C2orf92: variants seen among roughly 807,000 people sequenced by gnomAD.
C2orf92 encodes uncharacterized protein C2orf92.
chr2:97,701,798 G>A (rs1246835909), intron 7 of C2orf92, among the ~76,000 whole-genome samples: 1 of 152,176 alleles, frequency 6.6e-6, no homozygotes. Flanking sequence ...GATCTTCTCC[G>A]TGATCCTGCA....
intron 6 of C2orf92, among the ~76,000 whole-genome samples, chr2:97,699,424 C>A (rs1016723139): frequency 8.6e-5 from 13 of 152,008 alleles, no homozygotes; most frequent in African/African-American, 3.1e-4. Context: ...GGTAAAACCC[C>A]GTCTCTACTA....
At chr2:97,674,229 C>A in intron 1 of C2orf92, 2 of 348,626 alleles carry the variant, frequency 5.7e-6, no homozygotes, top group East Asian at 4.2e-5. Flanking sequence ...GATTTGGGGT[C>A]ATATATCTTT....
intron 3 of C2orf92, among the ~76,000 whole-genome samples, chr2:97,678,828 A>G (rs1255185173): frequency 1.3e-5 from 2 of 149,964 alleles, no homozygotes; most frequent in Admixed American, 6.6e-5. Flanking sequence ...AAAAAAAAAA[A>G]TTAGTTGGGT....
chr2:97,680,852 G>T (rs910581243), intron 3 of C2orf92, among the ~76,000 whole-genome samples: 1 of 152,196 alleles, frequency 6.6e-6, no homozygotes, highest in African/African-American at 2.4e-5. Flanking sequence ...CATGAACCCG[G>T]GAGGTGGAGC....
chr2:97,666,583 G>A (rs1302252285), upstream of C2orf92, among the ~76,000 whole-genome samples: 3 of 149,998 alleles, frequency 2.0e-5, no homozygotes, highest in Non-Finnish European at 4.4e-5. Flanking sequence ...TAGCTCATGC[G>A]TGTAATCCCA....
chr2:97,676,696 C>T lies in C2orf92; in HGVS notation c.232+768C>T, dbSNP rs576917012. ...CTGAGGTGGGAGGATCTTTTGAGCC[C>T]AGGAGTTTGAGGCTGCCATGAGCTA... On this transcript the variant is annotated intron_variant, in intron 3 of 7. Transcript: ENST00000627399. 5.9e-5 allele frequency among the ~76,000 whole-genome samples: 9 copies of T among 152,018 alleles called. No homozygotes were observed. In the South Asian group the frequency reaches 1.7e-3, roughly 28 times the overall value.
chr2:97,698,902 G>GAC, intron 5 of C2orf92, 124 bp from the exon 6 acceptor site: 1 of 395,022 alleles, frequency 2.5e-6, no homozygotes, highest in Non-Finnish European at 4.5e-6. Context: ...AGGACATTTA[G>GAC]ACTTTTCCCC....
chr2:97,696,199 A>G (rs543453758), intron 5 of C2orf92, among the ~76,000 whole-genome samples: 2 of 152,336 alleles, frequency 1.3e-5, no homozygotes, highest in East Asian at 3.9e-4. Flanking sequence ...TTGTAATCGC[A>G]CGGAGTTCTG....
chr2:97,690,707 G>A (rs1454601879), intron 5 of C2orf92, among the ~76,000 whole-genome samples: 8 of 149,642 alleles, frequency 5.3e-5, no homozygotes, highest in Non-Finnish European at 1.0e-4. Flanking sequence ...CCTGACCTGA[G>A]TTCAGAGCTG....
rs1675557970 is a variant in C2orf92, at chr2:97,675,859, A to G, written c.163A>G (p.Lys55Glu). ...RDTQKSYSQQ[K>E]SLNNAAFASG... ...TTTTCCCTTAGGCTATTCCCAACAG[A>G]AGAGCTTGAACAATGCTGCATTTGC... The change falls in exon 3 of 8, where the codon AAG (lysine) becomes GAG (glutamate). Residue 55 changes from lysine to glutamate, a missense_variant. Lys to Glu is a moderately conservative substitution (Grantham distance 56). Coordinates refer to ENST00000627399, the MANE Select transcript of C2orf92 (RefSeq NM_001351368.2). The G allele has an allele frequency of 2.5e-6, 1 of 399,110 alleles. No homozygotes were observed. Among genetic ancestry groups the G allele is most frequent in the Admixed American group, 4.4e-5 (1 of 22,742 alleles). The allele number at this position is 399,110 out of a possible 1,614,324, so 24.7% of individuals were successfully genotyped here.
intron 3 of C2orf92, among the ~76,000 whole-genome samples, chr2:97,685,602 A>G (rs961749562): frequency 5.6e-5 from 8 of 143,146 alleles, no homozygotes; most frequent in East Asian, 4.3e-4. Flanking sequence ...TTGCTCTGTC[A>G]CCCAGGCTGG....
intron 1 of C2orf92, chr2:97,664,532 G>T: frequency 6.7e-6 from 1 of 148,170 alleles, no homozygotes; most frequent in East Asian, 2.0e-4. Flanking sequence ...ATCCTCCCGC[G>T]CCAGCCAGTA....
chr2:97,667,268 ATTTTTT>A (rs1218123940), upstream of C2orf92, among the ~76,000 whole-genome samples: 1 of 22,832 alleles, frequency 4.4e-5, no homozygotes, highest in African/African-American at 2.6e-4. Flanking sequence ...TCTCTTTTTT[ATTTTTT>A]TTTTTTTTGA....
chr2:97,671,742 T>C (rs1022740074), intron 1 of C2orf92: 2 of 357,376 alleles, frequency 5.6e-6, no homozygotes, highest in Admixed American at 4.7e-5. Flanking sequence ...GACTGCGGCG[T>C]CAGATGCCAC....
upstream of C2orf92, among the ~76,000 whole-genome samples, chr2:97,666,474 T>C (rs914174267): frequency 6.8e-6 from 1 of 146,384 alleles, no homozygotes; most frequent in African/African-American, 2.6e-5. Context: ...GAGGCGGAGG[T>C]TGCAGTGAGC....
intron 3 of C2orf92, among the ~76,000 whole-genome samples, chr2:97,678,623 A>G (rs1288716211): frequency 6.6e-6 from 1 of 152,080 alleles, no homozygotes; most frequent in African/African-American, 2.4e-5. Context: ...TCTCCGCAAC[A>G]ACCACAGAGG....
chr2:97,683,076 CCACACACACACACACACACACACA>C (rs760650490), intron 3 of C2orf92, among the ~76,000 whole-genome samples: 1 of 143,270 alleles, frequency 7.0e-6, no homozygotes, highest in African/African-American at 2.6e-5. Context: ...CATATAGACT[CCACACACACACACACACACACACA>C]CACACACACA....
chr2:97,699,468 G>A (rs950753057), intron 6 of C2orf92, among the ~76,000 whole-genome samples: 3 of 152,134 alleles, frequency 2.0e-5, no homozygotes, highest in Non-Finnish European at 4.4e-5. Context: ...TGGGCATGGT[G>A]GCGGGTGCCT....
chr2:97,700,886 C>T (rs958483559), intron 6 of C2orf92, among the ~76,000 whole-genome samples: 16 of 152,112 alleles, frequency 1.1e-4, no homozygotes, highest in Non-Finnish European at 1.9e-4. Flanking sequence ...CCCGCCACCA[C>T]GCCCGGCTAA....
Sources: allele counts gnomAD v4.1 joint callset (sites outside exome capture counted in the v4.1 genomes callset), GRCh38; gene constraint gnomAD v4.1.1; transcripts MANE v1.5; gene names NCBI Gene and HGNC (gene_info 2026-07-23, HGNC 2026-07-21).